The following ST6GAL1 variants were observed in gnomAD, a reference collection of about 807,000 sequenced individuals.
The protein encoded by ST6GAL1 is beta-galactoside alpha-2,6-sialyltransferase 1.
In ST6GAL1, 20 loss-of-function variants were observed where a neutral mutation model predicts 38.0. The observed-to-expected ratio is 0.53, with a 90% confidence interval of 0.37 to 0.77. ST6GAL1 has a LOEUF of 0.77. Ranked by LOEUF, ST6GAL1 falls within the 30% of genes least tolerant of loss-of-function variation. ST6GAL1 has a pLI of 0.00. For synonymous variants in ST6GAL1, 196 were observed against 188.2 expected, an observed-to-expected ratio of 1.04 and a Z score of -0.34; for missense variants, 432 against 496.4, an observed-to-expected ratio of 0.87 and a Z score of 1.23.
At chr3:187,068,703 T>G (rs188509265) in intron 5 of ST6GAL1, among the ~76,000 whole-genome samples, 1 of 152,300 alleles carries the variant, frequency 6.6e-6, no homozygotes, top group East Asian at 1.9e-4. Flanking sequence ...ATACTCAAAA[T>G]TGCTGGAAAG....
chr3:187,066,597 CGTGCGT>C (rs1553836627), intron 5 of ST6GAL1, among the ~76,000 whole-genome samples: 6 of 116,938 alleles, frequency 5.1e-5, no homozygotes, highest in African/African-American at 9.2e-5. Context: ...GATGTGCGTG[CGTGCGT>C]GTGTGTGTGT....
Position 186,971,301 on chromosome 3 carries a change from G to T in ST6GAL1, c.-183+7375G>T, listed in dbSNP as rs150469673. On this transcript the variant is annotated intron_variant, in intron 2 of 7. Transcript: ENST00000169298. ...AGACGGGGTTTTGCCATGTTGGCCAGTGGCCAGTCTGGTCTCGAACTCCTG... is the reference window on the plus strand; with the variant it reads ...AGACGGGGTTTTGCCATGTTGGCCATTGGCCAGTCTGGTCTCGAACTCCTG... 4.3e-4 allele frequency among the ~76,000 whole-genome samples: 66 copies of T among 152,284 alleles called. No homozygotes were observed. The East Asian group carries it at 0.011, about 26-fold the overall frequency.
At chr3:187,022,543 C>T (rs1419446307) in intron 2 of ST6GAL1, among the ~76,000 whole-genome samples, 1 of 152,254 alleles carries the variant, frequency 6.6e-6, no homozygotes, top group East Asian at 1.9e-4. Context: ...TCATAGATAG[C>T]AGCCCTCTGG....
At chr3:187,052,420 T>C (rs1718547443) in intron 5 of ST6GAL1, among the ~76,000 whole-genome samples, 1 of 152,146 alleles carries the variant, frequency 6.6e-6, no homozygotes, top group Non-Finnish European at 1.5e-5. Flanking sequence ...TTACATTAGG[T>C]ATTTCTCCTA....
rs550758642 is a variant in ST6GAL1 at position 186,934,416 on chromosome 3, G to T, written c.-325+3582G>T. ...TACAAAAAATAAAAGAACAAAATTA[G>T]CTGGGCATGGTGGCGTACTCCTGTG... On this transcript the variant is annotated intron_variant, in intron 1 of 7. Coordinates refer to ENST00000169298, the MANE Select transcript of ST6GAL1 (RefSeq NM_173216.2). Among the ~76,000 whole-genome samples the T allele has an allele frequency of 1.4e-3, 214 of 151,322 alleles. 2 individuals are homozygous for T. The highest frequency in any genetic ancestry group is 5.0e-3 in the African/African-American group (208 of 41,434).
chr3:186,979,778 G>A (rs1579289895), intron 2 of ST6GAL1, among the ~76,000 whole-genome samples: 1 of 152,094 alleles, frequency 6.6e-6, no homozygotes, highest in East Asian at 1.9e-4. Context: ...TTGCTGTGTA[G>A]GTGCTTAATG....
chr3:187,019,039 G>A (rs774935772), intron 2 of ST6GAL1, among the ~76,000 whole-genome samples: 11 of 152,096 alleles, frequency 7.2e-5, no homozygotes, highest in Non-Finnish European at 1.0e-4. Flanking sequence ...GCAATCTCAT[G>A]CCATTCAGAA....
chr3:187,010,143 T>G (rs1351332253), intron 2 of ST6GAL1, among the ~76,000 whole-genome samples: 1 of 152,222 alleles, frequency 6.6e-6, no homozygotes, highest in South Asian at 2.1e-4. Flanking sequence ...GACATAAAAC[T>G]GCAGTCTTTG....
Position 187,057,194 on chromosome 3 carries a change from G to T in ST6GAL1, c.705+5848G>T, listed in dbSNP as rs186107925. Among the ~76,000 whole-genome samples, 467 of 152,182 alleles carry T rather than the reference G, an allele frequency of 3.1e-3. 2 individuals carry two copies. The highest frequency in any genetic ancestry group is 5.6e-3 in the Non-Finnish European group (380 of 68,020). ...TTCTCTATACTGTTTATTCTAGTTA[G>T]CCATTCATCTAATCTTTTTTCAAGG... On this transcript the variant is annotated intron_variant, in intron 5 of 7. Coordinates refer to ENST00000169298, the MANE Select transcript of ST6GAL1 (RefSeq NM_173216.2).
chr3:187,064,687 T>A (rs1462814198), intron 5 of ST6GAL1: 1 of 451,960 alleles, frequency 2.2e-6, no homozygotes, highest in Non-Finnish European at 4.4e-6. Context: ...CGTACTCGAG[T>A]CCTGGCCGCT....
chr3:187,062,977 G>T lies in ST6GAL1; in HGVS notation c.706-9872G>T, dbSNP rs571919358. Among the ~76,000 whole-genome samples, 4 of 152,316 alleles carry T rather than the reference G, an allele frequency of 2.6e-5. No homozygotes were observed. In the East Asian group the frequency reaches 7.7e-4, roughly 29 times the overall value. On this transcript the variant is annotated intron_variant, in intron 5 of 7. Coordinates refer to ENST00000169298, the MANE Select transcript of ST6GAL1 (RefSeq NM_173216.2). ...GAGGAGAAAGGAATGTGGAATTGTT[G>T]TTTAATGAATACTGTGATTCATTTT...
At chr3:187,041,725 G>A (rs1003104259) in intron 3 of ST6GAL1, among the ~76,000 whole-genome samples, 1 of 152,144 alleles carries the variant, frequency 6.6e-6, no homozygotes, top group Non-Finnish European at 1.5e-5. Flanking sequence ...AGAGCCTCAG[G>A]TTGCTAATCC....
At chr3:187,072,985 C>T in intron 6 of ST6GAL1, 38 bp downstream of exon 6, 1 of 1,504,732 alleles carries the variant, frequency 6.6e-7, no homozygotes, top group African/African-American at 1.4e-5. Flanking sequence ...GTTGAGTTTC[C>T]TGTCTGTCTA....
chr3:187,019,113 T>A (rs3882321), intron 2 of ST6GAL1, among the ~76,000 whole-genome samples: 10,763 of 152,256 alleles, frequency 0.071, 432 homozygotes, highest in Middle Eastern at 0.13. Flanking sequence ...TAAATTAAAG[T>A]TAGTCGACAA....
intron 1 of ST6GAL1, among the ~76,000 whole-genome samples, chr3:186,950,150 GAA>G (rs1349835761): frequency 6.6e-6 from 1 of 152,136 alleles, no homozygotes; most frequent in Non-Finnish European, 1.5e-5. Context: ...GAGAAGGCCA[GAA>G]AAAGAGATGA....
intron 2 of ST6GAL1, among the ~76,000 whole-genome samples, chr3:187,030,926 A>G (rs1051371083): frequency 4.6e-5 from 7 of 152,116 alleles, no homozygotes; most frequent in African/African-American, 1.7e-4. Flanking sequence ...ACTGAAGGTG[A>G]TGGGTGGGTA....
chr3:186,956,182 C>T (rs1714744746), intron 1 of ST6GAL1, among the ~76,000 whole-genome samples: 1 of 152,000 alleles, frequency 6.6e-6, no homozygotes, highest in African/African-American at 2.4e-5. Context: ...AGAAAAATCC[C>T]TGTGAAAAAT....
chr3:187,046,144 T>C (rs1718287278), intron 4 of ST6GAL1, among the ~76,000 whole-genome samples: 1 of 152,194 alleles, frequency 6.6e-6, no homozygotes, highest in South Asian at 2.1e-4. Context: ...AGGTCAGAAG[T>C]GCCAGGCCTG....
Position 186,952,486 on chromosome 3 carries a change from ATTTTC to A in ST6GAL1, c.-324-11279_-324-11275del, listed in dbSNP as rs142171363. ...CCTTCTCAGTTCCTTTTCTTGGCTC[ATTTTC>A]TTTTCTTTTCTTTTCTTTTTTTATT... On this transcript the variant is annotated intron_variant, in intron 1 of 7. Coordinates refer to ENST00000169298, the MANE Select transcript of ST6GAL1 (RefSeq NM_173216.2). The surrounding 1 kb of genome is among the most constrained non-coding windows in gnomAD (Gnocchi z 4.1). Among the ~76,000 whole-genome samples, 5,642 of 151,250 alleles carry A rather than the reference ATTTTC, an allele frequency of 0.037. 146 individuals carry two copies. Among genetic ancestry groups the A allele is most frequent in the East Asian group, 0.067 (345 of 5,134 alleles).
Sources: gnomAD v4.1 joint callset for allele counts (sites outside exome capture counted in the v4.1 genomes callset) on GRCh38, gnomAD v4.1.1 for gene constraint, Gnocchi (gnomAD v3.1) non-coding constraint, MANE v1.5 for transcripts, NCBI Gene and HGNC (gene_info 2026-07-23, HGNC 2026-07-21) for gene names.